VPS13B: variants seen among roughly 807,000 people sequenced by gnomAD.
VPS13B encodes the protein intermembrane lipid transfer protein VPS13B.
Under a neutral mutation model 426.4 loss-of-function variants are expected in VPS13B, and 285 were observed. The observed-to-expected ratio is 0.67, with a 90% CI of 0.61 to 0.74. The LOEUF is 0.74. Ranked by LOEUF, VPS13B falls within the 30% of genes least tolerant of loss-of-function variation. The pLI, the probability that VPS13B is intolerant of heterozygous loss-of-function variation, is 0.00. For synonymous variants in VPS13B, 1,676 were observed against 1,676.4 expected (o/e 1.00, Z 0.01); for missense variants, 4,537 against 4,782.6 (o/e 0.95, Z 1.51).
intron 17 of VPS13B, among the ~76,000 whole-genome samples, chr8:99,261,154 T>G (rs1818018811): frequency 6.6e-6 from 1 of 152,096 alleles, no homozygotes; most frequent in African/African-American, 2.4e-5. Flanking sequence ...CATAGCCTAC[T>G]TTGGGTTTTA....
chr8:99,385,110 A>G lies in VPS13B; in HGVS notation c.2934+793A>G, dbSNP rs1814043853. On this transcript the variant is annotated intron_variant, in intron 20 of 61. Coordinates refer to ENST00000357162, the MANE Select transcript of VPS13B (RefSeq NM_152564.5). ...GGAATATGTGTTTGTTTAAAAAGGT[A>G]TAAATTAGAAAGTAGTAAGTAGGCA... Among the ~76,000 whole-genome samples the G allele has an allele frequency of 1.3e-5, 2 of 152,360 alleles. 1 individual carries two copies. Among genetic ancestry groups the G allele is most frequent in the South Asian group, 4.1e-4 (2 of 4,834 alleles).
chr8:99,314,632 C>G (rs1821206306), intron 19 of VPS13B, among the ~76,000 whole-genome samples: 1 of 152,018 alleles, frequency 6.6e-6, no homozygotes, highest in Non-Finnish European at 1.5e-5. Flanking sequence ...AAAATTTTTT[C>G]TAGAGGTGGA....
At chr8:99,145,219 A>C (rs191749951) in intron 13 of VPS13B, among the ~76,000 whole-genome samples, 17 of 152,304 alleles carry the variant, frequency 1.1e-4, no homozygotes. Context: ...TTGAATAGGA[A>C]GTTATTAACT....
intron 19 of VPS13B, among the ~76,000 whole-genome samples, chr8:99,289,062 T>TGAATGAATGAATGAAA (rs1384234294): frequency 4.1e-4 from 61 of 148,940 alleles, no homozygotes; most frequent in East Asian, 7.9e-4. Flanking sequence ...AATGAATGAA[T>TGAATGAATGAATGAAA]GAAAGAAGGA....
chr8:99,062,618 G>T (rs569769563), intron 3 of VPS13B, among the ~76,000 whole-genome samples: 1 of 152,078 alleles, frequency 6.6e-6, no homozygotes, highest in South Asian at 2.1e-4. Flanking sequence ...ACAGGCATGC[G>T]CCACCACGCC....
intron 33 of VPS13B, among the ~76,000 whole-genome samples, chr8:99,586,818 A>C (rs1397874673): frequency 6.6e-6 from 1 of 152,188 alleles, no homozygotes; most frequent in Non-Finnish European, 1.5e-5. Context: ...CTCTTCCCAG[A>C]ATTAGAAAAG....
chr8:99,115,763 C>T lies in VPS13B; in HGVS notation c.826C>T (p.Arg276Cys), dbSNP rs1297259725. The change falls in exon 7 of 62, where the codon CGT (arginine) becomes TGT (cysteine). Residue 276 changes from arginine to cysteine, a missense_variant. By Grantham distance (180) the Arg-to-Cys change is radical (BLOSUM62 -3). Transcript: ENST00000357162. ...ITDQQLPMFI[R>C]IMQLGIALYY... Reference sequence around the variant, plus strand: ...AGATCAACAACTGCCTATGTTTATTCGTATAATGCAACTTGGAATTGCTCT... The same window carrying T: ...AGATCAACAACTGCCTATGTTTATTTGTATAATGCAACTTGGAATTGCTCT... The T allele has an allele frequency of 7.4e-6, 12 of 1,613,276 alleles. No individual in the cohort carries two copies. Among genetic ancestry groups the T allele is most frequent in the African/African-American group, 1.3e-5 (1 of 74,994 alleles).
At chr8:99,495,057 G>A (rs1385485514) in intron 25 of VPS13B, among the ~76,000 whole-genome samples, 2 of 151,982 alleles carry the variant, frequency 1.3e-5, no homozygotes, top group East Asian at 1.9e-4. Context: ...TATTGTTTCA[G>A]TGCCATACTG....
At chr8:99,519,073 G>A (rs1822237222) in intron 29 of VPS13B, among the ~76,000 whole-genome samples, 1 of 152,230 alleles carries the variant, frequency 6.6e-6, no homozygotes, top group African/African-American at 2.4e-5. Context: ...TTGGAGAATA[G>A]AGAGTAAAAT....
At chr8:99,241,271 G>A (rs549884646) in intron 17 of VPS13B, 1 of 152,206 alleles carries the variant, frequency 6.6e-6, no homozygotes, top group African/African-American at 2.4e-5. Flanking sequence ...TTAGGAAAGA[G>A]AGGAAAGAGG....
intron 39 of VPS13B, among the ~76,000 whole-genome samples, chr8:99,730,781 A>T (rs4735638): frequency 0.033 from 4,978 of 151,244 alleles, 106 homozygotes; most frequent in East Asian, 0.043. Context: ...CCTGAAGGGT[A>T]CCTGTAGGTA....
intron 3 of VPS13B, among the ~76,000 whole-genome samples, chr8:99,081,598 C>G (rs1342593663): frequency 7.5e-6 from 1 of 134,100 alleles, no homozygotes; most frequent in East Asian, 2.6e-4. Flanking sequence ...ACAACAGGCC[C>G]CCACCCCACA....
chr8:99,037,364 AAGGT>A (rs952701412), intron 2 of VPS13B, among the ~76,000 whole-genome samples: 2 of 152,074 alleles, frequency 1.3e-5, no homozygotes, highest in African/African-American at 4.8e-5. Flanking sequence ...CTCTGTGAGG[AAGGT>A]AGTATTCTAA....
chr8:99,143,069 G>T lies in VPS13B; in HGVS notation c.1747G>T (p.Asp583Tyr). 1 of 1,614,022 alleles carries T rather than the reference G, an allele frequency of 6.2e-7. No homozygotes were observed. Among genetic ancestry groups the T allele is most frequent in the South Asian group, 1.1e-5 (1 of 91,078 alleles). The stretch of plus-strand genomic sequence containing the variant: ...CAAAAGCCTTGTTATAGGTCCTCTT[G>T]ATTTTCGTTTGGATAGCAGTGCGGT... ...STKSLVIGPLDFRLDSSAVHR... is the reference protein window; with the variant it reads ...STKSLVIGPLYFRLDSSAVHR... The change falls in exon 13 of 62, where the codon GAT becomes TAT. Residue 583 changes from aspartate to tyrosine, a missense_variant. Asp to Tyr is a radical substitution (Grantham distance 160). This residue lies in a region of VPS13B where 4,311 missense variants were observed against 4,474.3 expected (regional missense o/e 0.96). Transcript: ENST00000357162.
chr8:99,222,892 A>C (rs1416100375), intron 17 of VPS13B, among the ~76,000 whole-genome samples: 1 of 152,232 alleles, frequency 6.6e-6, no homozygotes, highest in Non-Finnish European at 1.5e-5. Context: ...GCTTGAGTGC[A>C]GTGGCATGAT....
At chr8:99,687,828 T>G (rs2130051832) in intron 35 of VPS13B, among the ~76,000 whole-genome samples, 1 of 152,118 alleles carries the variant, frequency 6.6e-6, no homozygotes, top group South Asian at 2.1e-4. Context: ...TGGTTCTTGT[T>G]AAGTTCCTTT....
At chr8:99,203,951 T>G (rs2132766909) in intron 17 of VPS13B, among the ~76,000 whole-genome samples, 1 of 152,252 alleles carries the variant, frequency 6.6e-6, no homozygotes, top group East Asian at 1.9e-4. Context: ...AATTTATAGA[T>G]TCAGTATATC....
chr8:99,601,918 T>G (rs551759541), intron 33 of VPS13B, among the ~76,000 whole-genome samples: 4 of 152,364 alleles, frequency 2.6e-5, no homozygotes, highest in African/African-American at 7.2e-5. Flanking sequence ...ATGGGTAGAT[T>G]GCAAGAAATT....
At position 99,806,889 on chromosome 8, in the gene VPS13B, C is replaced by T. The variant is rs182304403; in HGVS notation, c.7942-2486C>T. Among the ~76,000 whole-genome samples, 9 of 152,224 alleles carry T rather than the reference C, an allele frequency of 5.9e-5. 1 individual carries two copies. Among genetic ancestry groups the T allele is most frequent in the Admixed American group, 1.3e-4 (2 of 15,300 alleles). On this transcript the variant is annotated intron_variant, in intron 43 of 61. Transcript: ENST00000357162. ...CATCCAGTGCTCAAATCCAGTGCCG[C>T]GGGTTCCCAGGCAGGGGTGATTACA...
Sources: gnomAD v4.1 joint callset for allele counts (sites outside exome capture counted in the v4.1 genomes callset) on GRCh38, gnomAD v4.1.1 for gene constraint, gnomAD v4.1.1 regional missense constraint, MANE v1.5 for transcripts, NCBI Gene and HGNC (gene_info 2026-07-23, HGNC 2026-07-21) for gene names.